Variants in LARP6 observed in about 807,000 individuals in gnomAD.
The protein encoded by LARP6 is La ribonucleoprotein 6, translational regulator, also known as la-related protein 6.
LARP6 carries 18 observed loss-of-function variants against 32.8 expected under a neutral mutation model. The observed-to-expected ratio is 0.55, with a 90% CI of 0.38 to 0.81. LARP6 has a LOEUF of 0.81. Among genes scored for constraint, LARP6 ranks in the 40% least tolerant of loss-of-function variants. The pLI is 0.00. For missense variants in LARP6, 598 were observed against 663.1 expected, an observed-to-expected ratio of 0.90 and a Z score of 1.08; for synonymous variants, 289 against 267.2, an observed-to-expected ratio of 1.08 and a Z score of -0.80.
intron 2 of LARP6, among the ~76,000 whole-genome samples, chr15:70,833,676 T>C (rs868094015): frequency 3.3e-5 from 5 of 152,370 alleles, no homozygotes; most frequent in Middle Eastern, 3.4e-3. Context: ...GTGCTATCAT[T>C]ACTTCCAATA....
intron 1 of LARP6, among the ~76,000 whole-genome samples, chr15:70,846,701 A>C (rs1348261693): frequency 6.6e-6 from 1 of 152,144 alleles, no homozygotes. Flanking sequence ...AGACTCATTT[A>C]GAATCTGGCT....
rs1163099309 is a variant in LARP6 at position 70,854,157 on chromosome 15, T to A, written c.-69A>T. ...GCCCAGCCAGCCGGTCGGCAGCGAC[T>A]GCGACGAGGGGGCGGGGGCGGTGCG... is the stretch of plus-strand genomic sequence containing the variant. On this transcript the variant is annotated 5_prime_UTR_variant, in exon 1 of 3. Coordinates refer to ENST00000299213, the MANE Select transcript of LARP6 (RefSeq NM_018357.4). 2 of 1,130,668 alleles carry A rather than the reference T, an allele frequency of 1.8e-6. No homozygotes were observed. The highest frequency in any genetic ancestry group is 4.5e-5 in the Admixed American group (1 of 22,170). 70.0% of individuals were successfully genotyped at this position (1,130,668 alleles called of 1,614,324 possible).
chr15:70,854,059 G>C lies in LARP6; in HGVS notation c.30C>G (p.Pro10=). The C allele has an allele frequency of 7.2e-7, 1 of 1,392,296 alleles. No homozygotes were observed. The highest frequency in any genetic ancestry group is 2.0e-4 in the Middle Eastern group (1 of 5,094). The allele number at this position is 1,392,296 out of a possible 1,614,324, so 86.2% of individuals were successfully genotyped here. MAQSGGEAR[P]GPKTAVQIRV... Reference sequence around the variant, plus strand: ...GGATCTGCACCGCCGTCTTGGGCCCGGGCCGAGCCTCCCCGCCGGACTGGG... The same window carrying C: ...GGATCTGCACCGCCGTCTTGGGCCCCGGCCGAGCCTCCCCGCCGGACTGGG... The change falls in exon 1 of 3, where the codon CCC becomes CCG. Residue 10 remains proline, a synonymous_variant. Transcript: ENST00000299213.
chr15:70,830,088 AGT>A lies in LARP6; in HGVS notation c.*1962_*1963del, dbSNP rs2032013909. On this transcript the variant is annotated 3_prime_UTR_variant, in exon 3 of 3. Transcript: ENST00000299213. ...GGCCCTGACATTGCCCAAGGTCAGG[AGT>A]CCTGGTGGTCTAGGCACAAGCCTTC... The A allele has an allele frequency of 6.6e-6, 1 of 152,356 alleles. No homozygotes were observed. The highest frequency in any genetic ancestry group is 2.4e-5 in the African/African-American group (1 of 41,462). 9.4% of individuals were successfully genotyped at this position (152,356 alleles called of 1,614,324 possible).
At chr15:70,843,963 CTT>C (rs1215191701) in intron 1 of LARP6, among the ~76,000 whole-genome samples, 3 of 107,152 alleles carry the variant, frequency 2.8e-5, no homozygotes, top group Non-Finnish European at 4.0e-5. Context: ...ACCTTTTTTT[CTT>C]TTTTTTTTTT....
intron 1 of LARP6, chr15:70,851,475 C>T (rs2032448347): frequency 1.5e-6 from 2 of 1,350,744 alleles, no homozygotes; most frequent in Non-Finnish European, 9.6e-7. Flanking sequence ...ATTCTGTTCC[C>T]TTATATAAGC....
chr15:70,843,085 T>C (rs767172640), intron 1 of LARP6, among the ~76,000 whole-genome samples: 4 of 152,230 alleles, frequency 2.6e-5, no homozygotes, highest in Admixed American at 6.5e-5. Flanking sequence ...GACAATCATT[T>C]ATCTTCCCTT....
At position 70,830,495 on chromosome 15, in the gene LARP6, G is replaced by C. The variant is rs2032020677; in HGVS notation, c.*1557C>G. On this transcript the variant is annotated 3_prime_UTR_variant, in exon 3 of 3. Transcript: ENST00000299213. The stretch of plus-strand genomic sequence containing the variant: ...GGATAGTAAAGATCAGAAATGTTGA[G>C]TACCACTTAGTGGTTAAACAGTGTG... 6.6e-6 allele frequency: 1 copy of C among 152,156 alleles called. No homozygotes were observed. Among genetic ancestry groups the C allele is most frequent in the Non-Finnish European group, 1.5e-5 (1 of 68,030 alleles). The allele number at this position is 152,156 out of a possible 1,614,324, so 9.4% of individuals were successfully genotyped here.
chr15:70,845,569 G>A (rs149351957), intron 1 of LARP6, among the ~76,000 whole-genome samples: 7 of 152,266 alleles, frequency 4.6e-5, no homozygotes, highest in African/African-American at 1.7e-4. Context: ...AGTGTTTGTC[G>A]GGTTTCTCCC....
chr15:70,851,112 T>C (rs1371093679), intron 1 of LARP6, among the ~76,000 whole-genome samples: 3 of 152,172 alleles, frequency 2.0e-5, no homozygotes, highest in African/African-American at 7.2e-5. Context: ...TAGGGAATGA[T>C]AGTTAATTTT....
In LARP6 at chr15:70,832,183, C is replaced by T. The variant is rs146941351; in HGVS notation, c.1345G>A (p.Gly449Ser). 9 of 1,613,804 alleles carry T rather than the reference C, an allele frequency of 5.6e-6. No individual in the cohort carries two copies. Among genetic ancestry groups the T allele is most frequent in the East Asian group, 2.2e-5 (1 of 44,878 alleles). The stretch of plus-strand genomic sequence containing the variant: ...TTCCGGGAGAGCAGGGGACTCGTAC[C>T]GGGGCTTTTCTCCTGGGTCCCCATC... ...AEMGTQEKSP[G>S]TSPLLSRKMQ... The change falls in exon 3 of 3, where the codon GGT (glycine) becomes AGT (serine). Residue 449 changes from glycine to serine, a missense_variant. Around this residue, in one of 3 missense-constraint regions of LARP6, gnomAD observed 368 missense variants for 397.9 expected, o/e 0.92. Transcript: ENST00000299213.
At chr15:70,847,742 A>C (rs920727222) in intron 1 of LARP6, among the ~76,000 whole-genome samples, 1 of 152,162 alleles carries the variant, frequency 6.6e-6, no homozygotes, top group African/African-American at 2.4e-5. Flanking sequence ...ATCTGGTTAC[A>C]CTGATTGCGC....
At chr15:70,850,846 T>G (rs1387105107) in intron 1 of LARP6, among the ~76,000 whole-genome samples, 1 of 152,174 alleles carries the variant, frequency 6.6e-6, no homozygotes, top group African/African-American at 2.4e-5. Flanking sequence ...ATGAGAACAT[T>G]ACCAGACTAA....
chr15:70,851,344 T>C (rs564830598), intron 1 of LARP6: 13 of 631,782 alleles, frequency 2.1e-5, no homozygotes, highest in African/African-American at 7.5e-5. Context: ...TCTTTATGTT[T>C]GAAAATTTTT....
chr15:70,853,996 C>T lies in LARP6; in HGVS notation c.93G>A (p.Leu31=). 15 of 1,465,192 alleles carry T rather than the reference C, an allele frequency of 1.0e-5. No individual in the cohort carries two copies. Among genetic ancestry groups the T allele is most frequent in the Non-Finnish European group, 1.4e-5 (15 of 1,103,290 alleles). The allele number at this position is 1,465,192 out of a possible 1,614,324, so 90.8% of individuals were successfully genotyped here. A position where few individuals can be genotyped will look rare whatever the true frequency, so the allele number is the denominator to read the frequency against. The change falls in exon 1 of 3, where the codon TTG becomes TTA. Residue 31 remains leucine (L), a synonymous_variant. Coordinates refer to ENST00000299213, the MANE Select transcript of LARP6 (RefSeq NM_018357.4). ...TCTCCGCCCCCTCCTCCTCGTCCTCCAACTCGTCCACGTCCTCGGCCTCCT... is the reference window on the plus strand; with the variant it reads ...TCTCCGCCCCCTCCTCCTCGTCCTCTAACTCGTCCACGTCCTCGGCCTCCT... ...AIQEAEDVDE[L]EDEEEGAETR...
At chr15:70,843,950 C>T (rs185410855) in intron 1 of LARP6, among the ~76,000 whole-genome samples, 2 of 148,408 alleles carry the variant, frequency 1.3e-5, no homozygotes, top group African/African-American at 5.0e-5. Context: ...GCAACCGCGC[C>T]CGACCTTTTT....
chr15:70,844,036 G>A (rs1288919750), intron 1 of LARP6, among the ~76,000 whole-genome samples: 8 of 149,790 alleles, frequency 5.3e-5, no homozygotes, highest in African/African-American at 2.0e-4. Flanking sequence ...GGCTCACTGC[G>A]ACCTCTGCCT....
intron 1 of LARP6, among the ~76,000 whole-genome samples, chr15:70,843,524 T>G (rs1187753549): frequency 7.2e-5 from 11 of 152,148 alleles, no homozygotes; most frequent in Non-Finnish European, 1.5e-5. Context: ...CATTCTCTAT[T>G]CATGTCTTAC....
At chr15:70,847,637 G>C (rs1057087134) in intron 1 of LARP6, among the ~76,000 whole-genome samples, 2 of 152,142 alleles carry the variant, frequency 1.3e-5, no homozygotes, top group Non-Finnish European at 2.9e-5. Flanking sequence ...CCAAAGTGCT[G>C]GGATTACAGG....
Sources: gnomAD v4.1 joint callset for allele counts (sites outside exome capture counted in the v4.1 genomes callset) on GRCh38, gnomAD v4.1.1 for gene constraint, gnomAD v4.1.1 regional missense constraint, MANE v1.5 for transcripts, NCBI Gene and HGNC (gene_info 2026-07-23, HGNC 2026-07-21) for gene names.